The following KIF23 variants were observed in gnomAD, a reference collection of about 807,000 sequenced individuals.
KIF23 encodes kinesin-like protein KIF23.
Under a neutral mutation model 137.5 loss-of-function variants are expected in KIF23, and 30 were observed. The observed-to-expected ratio is 0.22, with a 90% CI of 0.16 to 0.30. KIF23 has a LOEUF of 0.30. KIF23 is among the 10% of genes least tolerant of loss of function. KIF23 has a pLI of 1.00. For synonymous variants in KIF23, 367 were observed against 391.1 expected (o/e 0.94, Z 0.73); for missense variants, 920 against 1,194.3 (o/e 0.77, Z 3.38).
chr15:69,427,110 T>C (rs1189451218), intron 10 of KIF23, among the ~76,000 whole-genome samples: 1 of 152,002 alleles, frequency 6.6e-6, no homozygotes, highest in Non-Finnish European at 1.5e-5. Context: ...AACAAGACTC[T>C]TGTCTTTGCA....
chr15:69,434,158 T>G (rs192964481), intron 11 of KIF23, among the ~76,000 whole-genome samples: 1 of 152,250 alleles, frequency 6.6e-6, no homozygotes, highest in East Asian at 1.9e-4. Context: ...CTTGAACGAC[T>G]GATCATCCTA....
intron 11 of KIF23, among the ~76,000 whole-genome samples, chr15:69,431,689 G>T (rs2057359829): frequency 6.6e-6 from 1 of 152,206 alleles, no homozygotes. Context: ...GGAACAAGCT[G>T]AGAGCAGAAG....
intron 4 of KIF23, 76 bp from the exon 5 acceptor site, chr15:69,421,916 T>G (rs1380582649): frequency 2.6e-6 from 4 of 1,548,062 alleles, no homozygotes; most frequent in East Asian, 4.5e-5. Flanking sequence ...ATTGTTAGTG[T>G]TTTCTAATGC....
Position 69,435,669 on chromosome 15 carries a change from T to G in KIF23, c.1212T>G (p.Asp404Glu). 1 of 1,613,946 alleles carries G rather than the reference T, an allele frequency of 6.2e-7. No homozygotes were observed. The highest frequency in any genetic ancestry group is 1.1e-5 in the South Asian group (1 of 90,992). ...YGTNKMVPYRDSKLTHLFKNY... is the reference protein window; with the variant it reads ...YGTNKMVPYRESKLTHLFKNY... ...CTTTGTAGATGGTTCCATATCGAGA[T>G]TCAAAGTTAACCCATCTGTTCAAGA... The change falls in exon 13 of 24, where the codon GAT becomes GAG. Residue 404 changes from aspartate to glutamate, a missense_variant. Coordinates refer to ENST00000679126, the MANE Select transcript of KIF23 (RefSeq NM_001367805.3).
At chr15:69,429,244 AC>A (rs2057290212) in intron 11 of KIF23, 31 bp downstream of exon 11, 1 of 1,491,946 alleles carries the variant, frequency 6.7e-7, no homozygotes, top group Non-Finnish European at 9.2e-7. Flanking sequence ...ATTTATTGCT[AC>A]AACTTTCAGA....
intron 3 of KIF23, among the ~76,000 whole-genome samples, chr15:69,419,441 C>CT (rs1466219735): frequency 6.6e-6 from 1 of 152,210 alleles, no homozygotes; most frequent in Non-Finnish European, 1.5e-5. Context: ...TCATCCAATC[C>CT]TTTGAGTTTC....
At chr15:69,442,238 G>T (rs918458257) in intron 19 of KIF23, among the ~76,000 whole-genome samples, 3 of 151,830 alleles carry the variant, frequency 2.0e-5, no homozygotes, top group African/African-American at 7.3e-5. Context: ...TGATTTCCAT[G>T]CCCAATAAAT....
In KIF23 at chr15:69,441,091, T is replaced by A; in HGVS notation, c.2421+12T>A. 6.3e-7 allele frequency: 1 copy of A among 1,591,574 alleles called. No individual in the cohort carries two copies. Among genetic ancestry groups the A allele is most frequent in the Non-Finnish European group, 8.6e-7 (1 of 1,167,356 alleles). On this transcript the variant is annotated intron_variant, in intron 19 of 23. Transcript: ENST00000679126. ...ATCATTGCGGCAGGGTTAGTGCCAG[T>A]ATTATTTTAACGCATTGTAGCAATA...
At position 69,438,371 on chromosome 15, in the gene KIF23, G is replaced by A. The variant is rs760553292; in HGVS notation, c.1721G>A (p.Arg574Gln). 6.8e-6 allele frequency: 11 copies of A among 1,608,634 alleles called. 1 individual carries two copies. The South Asian group carries it at 7.8e-5, about 11-fold the overall frequency. The change falls in exon 16 of 24, where the codon CGA becomes CAA. Residue 574 changes from arginine (R) to glutamine (Q), a missense_variant. Arg to Gln is a conservative substitution (Grantham distance 43). Around this residue, in one of 4 missense-constraint regions of KIF23, gnomAD observed 714 missense variants for 866.2 expected, o/e 0.82. Coordinates refer to ENST00000679126, the MANE Select transcript of KIF23 (RefSeq NM_001367805.3). ...TCAGGACAGAAATTGGAAATAGAAC[G>A]ACTGGAAAAGAAAAACAAAACTTTA... ...MISGQKLEIERLEKKNKTLEY... is the reference protein window; with the variant it reads ...MISGQKLEIEQLEKKNKTLEY...
intron 7 of KIF23, 30 bp from the exon 8 acceptor site, chr15:69,425,252 A>G: frequency 6.5e-7 from 1 of 1,527,616 alleles, no homozygotes; most frequent in Non-Finnish European, 8.8e-7. Flanking sequence ...TGCTGTAGAA[A>G]CAGTAACTTC....
chr15:69,447,733 G>C, intron 23 of KIF23, 59 bp from the exon 24 acceptor site: 1 of 1,546,860 alleles, frequency 6.5e-7, no homozygotes, highest in South Asian at 1.2e-5. Flanking sequence ...AGATTGATTT[G>C]CTATGAATGT....
Position 69,446,306 on chromosome 15 carries a change from C to G in KIF23, c.2780C>G (p.Thr927Arg). 6.2e-7 allele frequency: 1 copy of G among 1,614,098 alleles called. No individual in the cohort carries two copies. The highest frequency in any genetic ancestry group is 1.3e-5 in the African/African-American group (1 of 75,038). The change falls in exon 22 of 24, where the codon ACA becomes AGA. Residue 927 changes from threonine (T) to arginine (R), a missense_variant. Transcript: ENST00000679126. ...PNGSRKRRSSTVAPAQPDGAE... is the reference protein window; with the variant it reads ...PNGSRKRRSSRVAPAQPDGAE... ...AGTAGTCGAAAACGAAGATCTTCCACAGTAGCACCTGCCCAACCAGATGGT... is the reference window on the plus strand; with the variant it reads ...AGTAGTCGAAAACGAAGATCTTCCAGAGTAGCACCTGCCCAACCAGATGGT...
chr15:69,445,032 A>G lies in KIF23; in HGVS notation c.2664A>G (p.Lys888=). Residue 888 remains lysine (K), a synonymous_variant, in exon 20 of 24, where the codon AAA becomes AAG. Coordinates refer to ENST00000679126, the MANE Select transcript of KIF23 (RefSeq NM_001367805.3). ...CCTCCGATGGGGAGATTGAAACTAA[A>G]CTAATTAAGGTAAAAAACTAATTTT... ...ELASDGEIET[K]LIKGDIYKTR... The G allele has an allele frequency of 6.2e-7, 1 of 1,605,906 alleles. No individual in the cohort carries two copies. Among genetic ancestry groups the G allele is most frequent in the Non-Finnish European group, 8.5e-7 (1 of 1,176,374 alleles).
chr15:69,446,842 T>C (rs941779447), intron 22 of KIF23, 29 bp from the exon 23 acceptor site: 2 of 1,599,654 alleles, frequency 1.3e-6, no homozygotes, highest in Non-Finnish European at 1.7e-6. Flanking sequence ...GAGGAGCTGA[T>C]CTTTTTCCTC....
chr15:69,434,922 A>G, intron 11 of KIF23: 2 of 699,502 alleles, frequency 2.9e-6, no homozygotes, highest in Non-Finnish European at 5.0e-6. Flanking sequence ...CTCGTGGTGC[A>G]GGTTGCAGCT....
intron 11 of KIF23, among the ~76,000 whole-genome samples, chr15:69,432,747 T>A (rs1033620772): frequency 6.6e-6 from 1 of 152,236 alleles, no homozygotes; most frequent in East Asian, 1.9e-4. Flanking sequence ...AATTATGTGC[T>A]TCTTTATTAA....
At position 69,417,966 on chromosome 15, in the gene KIF23, A is replaced by T. The variant is rs577814676; in HGVS notation, c.210+455A>T. ...GCAAATGTGCTAAGCTAATAGTTGG[A>T]GGGTGGAAGGAGATTAAAAAAAAGA... On this transcript the variant is annotated intron_variant, in intron 3 of 23. Coordinates refer to ENST00000679126, the MANE Select transcript of KIF23 (RefSeq NM_001367805.3). Among the ~76,000 whole-genome samples the T allele has an allele frequency of 7.7e-4, 118 of 152,322 alleles. 1 individual carries two copies. The highest frequency in any genetic ancestry group is 1.8e-3 in the Admixed American group (28 of 15,306).
intron 22 of KIF23, 184 bp from the exon 23 acceptor site, chr15:69,446,687 G>A: frequency 3.0e-6 from 2 of 662,502 alleles, no homozygotes; most frequent in Non-Finnish European, 5.4e-6. Context: ...AGACCTTTCT[G>A]GCTCACAACA....
intron 6 of KIF23, 73 bp from the exon 7 acceptor site, chr15:69,423,086 A>G: frequency 3.0e-6 from 3 of 1,013,072 alleles, no homozygotes; most frequent in Non-Finnish European, 3.0e-6. Context: ...GCTGTGAGCC[A>G]CCATGCCCGG....
Sources: allele counts gnomAD v4.1 joint callset (sites outside exome capture counted in the v4.1 genomes callset), GRCh38; gene constraint gnomAD v4.1.1; regional missense constraint gnomAD v4.1.1; transcripts MANE v1.5; gene names NCBI Gene and HGNC (gene_info 2026-07-23, HGNC 2026-07-21).